The following IL18R1 variants were observed in gnomAD, a reference collection of about 807,000 sequenced individuals.
The protein encoded by IL18R1 is interleukin 18 receptor 1, also known as interleukin-18 receptor 1.
A neutral mutation model predicts 48.5 loss-of-function variants in IL18R1; 40 were observed. The ratio of observed to expected loss-of-function variants is 0.82; its 90% confidence interval spans 0.64 to 1.07. IL18R1 has a LOEUF of 1.07. IL18R1 is among the 50% of genes least tolerant of loss of function. The pLI is 0.00. For missense variants in IL18R1, 596 were observed against 633.7 expected (o/e 0.94, Z 0.64); for synonymous variants, 232 against 225.9 (o/e 1.03, Z -0.24).
At position 102,394,545 on chromosome 2, in the gene IL18R1, T is replaced by C; in HGVS notation, c.1188T>C (p.Ala396=). ...RPENGEEHTF[A]VEILPRVLEK... is the part of the protein sequence containing the mutation. ...AAAATGGAGAGGAGCACACCTTTGCTGTGGAGATTTTGCCCAGGGTGTTGG... is the reference window on the plus strand; with the variant it reads ...AAAATGGAGAGGAGCACACCTTTGCCGTGGAGATTTTGCCCAGGGTGTTGG... Residue 396 remains alanine, a synonymous_variant, in exon 10 of 11, where the codon GCT becomes GCC. Coordinates refer to ENST00000233957, the MANE Select transcript of IL18R1 (RefSeq NM_003855.5). 6.2e-7 allele frequency: 1 copy of C among 1,613,594 alleles called. No homozygotes were observed.
At chr2:102,378,894 G>C (rs1679753265) in intron 5 of IL18R1, among the ~76,000 whole-genome samples, 1 of 152,230 alleles carries the variant, frequency 6.6e-6, no homozygotes, top group African/African-American at 2.4e-5. Context: ...AGTTGGGGAA[G>C]ACAGCCAGGA....
At chr2:102,370,308 C>T (rs1362223617) in intron 3 of IL18R1, among the ~76,000 whole-genome samples, 1 of 152,108 alleles carries the variant, frequency 6.6e-6, no homozygotes, top group Non-Finnish European at 1.5e-5. Flanking sequence ...ACAATGTAGT[C>T]TGAAAAAATG....
intron 4 of IL18R1, among the ~76,000 whole-genome samples, chr2:102,375,611 A>G (rs545465109): frequency 1.3e-5 from 2 of 152,232 alleles, no homozygotes; most frequent in African/African-American, 4.8e-5. Context: ...CTCTCTCTGC[A>G]TGTGTGTAAA....
intron 5 of IL18R1, among the ~76,000 whole-genome samples, chr2:102,377,033 G>T (rs2105079560): frequency 6.6e-6 from 1 of 152,342 alleles, no homozygotes. Context: ...AAGACAGGTT[G>T]CTTATCCAGT....
intron 6 of IL18R1, among the ~76,000 whole-genome samples, chr2:102,382,090 C>T (rs556648454): frequency 3.0e-4 from 45 of 152,002 alleles, no homozygotes; most frequent in Middle Eastern, 3.4e-3. Flanking sequence ...CTGACCAGCA[C>T]GGTGAAACCC....
intron 10 of IL18R1, among the ~76,000 whole-genome samples, chr2:102,395,613 A>G (rs569598818): frequency 4.6e-5 from 7 of 152,358 alleles, no homozygotes; most frequent in African/African-American, 1.4e-4. Flanking sequence ...CTTTGCATCT[A>G]AGAAGGCATA....
intron 6 of IL18R1, 132 bp from the exon 7 acceptor site, chr2:102,384,746 G>T (rs1452347700): frequency 6.9e-6 from 6 of 873,000 alleles, no homozygotes; most frequent in East Asian, 5.5e-5. Flanking sequence ...TTAAAGCAAG[G>T]CATATTTATT....
chr2:102,376,382 A>G (rs1679586588), intron 5 of IL18R1, among the ~76,000 whole-genome samples: 1 of 152,248 alleles, frequency 6.6e-6, no homozygotes. Context: ...TTTAGTGAAG[A>G]TATCTATACT....
intron 1 of IL18R1, among the ~76,000 whole-genome samples, chr2:102,357,094 A>G (rs1678293037): frequency 6.6e-6 from 1 of 152,104 alleles, no homozygotes; most frequent in Admixed American, 6.5e-5. Context: ...AGGGCCTTGG[A>G]TGGGCTAGGA....
intron 8 of IL18R1, among the ~76,000 whole-genome samples, chr2:102,388,218 C>G (rs373573537): frequency 1.3e-5 from 2 of 152,204 alleles, no homozygotes; most frequent in Non-Finnish European, 2.9e-5. Context: ...TTTAGAGCCG[C>G]CTCTCTACCA....
intron 1 of IL18R1, among the ~76,000 whole-genome samples, chr2:102,357,105 G>A (rs754495169): frequency 1.3e-5 from 2 of 152,202 alleles, no homozygotes; most frequent in Non-Finnish European, 2.9e-5. Flanking sequence ...TGGGCTAGGA[G>A]GGGTAAATTT....
intron 8 of IL18R1, 144 bp from the exon 9 acceptor site, chr2:102,389,912 G>A: frequency 1.6e-6 from 1 of 640,736 alleles, no homozygotes; most frequent in Non-Finnish European, 2.7e-6. Flanking sequence ...CAGGAATGTG[G>A]AGTCACTCAG....
At chr2:102,382,568 T>A (rs1232439430) in intron 6 of IL18R1, among the ~76,000 whole-genome samples, 1 of 152,188 alleles carries the variant, frequency 6.6e-6, no homozygotes, top group East Asian at 1.9e-4. Context: ...TTGAATTAAA[T>A]CCTCCAAGCA....
intron 6 of IL18R1, among the ~76,000 whole-genome samples, chr2:102,384,630 T>G (rs770138343): frequency 7.2e-5 from 11 of 152,236 alleles, no homozygotes; most frequent in Non-Finnish European, 1.3e-4. Flanking sequence ...CACTCTAAGT[T>G]TTAATAGTTG....
At position 102,356,985 on chromosome 2, in the gene IL18R1, C is replaced by A. The variant is rs566302224; in HGVS notation, c.-29+585C>A. Among the ~76,000 whole-genome samples, 49 of 152,292 alleles carry A rather than the reference C, an allele frequency of 3.2e-4. 1 individual carries two copies. In the South Asian group the frequency reaches 9.7e-3, roughly 30 times the overall value. The stretch of plus-strand genomic sequence containing the variant: ...TACAGAGATCCAAGATTATTGTATT[C>A]ATTTCACTGACTTCCCTTGCTTCAT... On this transcript the variant is annotated intron_variant, in intron 1 of 10. Coordinates refer to ENST00000233957, the MANE Select transcript of IL18R1 (RefSeq NM_003855.5).
At chr2:102,365,250 A>G (rs1339308580) in intron 2 of IL18R1, among the ~76,000 whole-genome samples, 2 of 152,234 alleles carry the variant, frequency 1.3e-5, no homozygotes, top group East Asian at 3.8e-4. Context: ...CAATGGGAGT[A>G]CAGGCATTGA....
At position 102,365,406 on chromosome 2, in the gene IL18R1, C is replaced by T. The variant is rs376998566; in HGVS notation, c.59-2419C>T. ...AACTCCATGTCTCATATCCAGGTCA[C>T]GCTGCTGCAAGAGGTAGGATCCCAT... On this transcript the variant is annotated intron_variant, in intron 2 of 10. Coordinates refer to ENST00000233957, the MANE Select transcript of IL18R1 (RefSeq NM_003855.5). Among the ~76,000 whole-genome samples the T allele has an allele frequency of 1.1e-3, 174 of 152,322 alleles. 2 individuals are homozygous for T. In the South Asian group the frequency reaches 0.033, roughly 29 times the overall value.
chr2:102,386,801 A>T, intron 7 of IL18R1, 60 bp from the exon 8 acceptor site: 1 of 1,546,170 alleles, frequency 6.5e-7, no homozygotes, highest in Non-Finnish European at 8.9e-7. Context: ...TAAACATGTG[A>T]ATTCCCCTCT....
intron 1 of IL18R1, among the ~76,000 whole-genome samples, chr2:102,357,978 T>G (rs923655288): frequency 1.3e-5 from 2 of 151,096 alleles, no homozygotes; most frequent in African/African-American, 4.8e-5. Flanking sequence ...CGACTATGCA[T>G]GGAACACTGT....
Sources: gnomAD v4.1 joint callset for allele counts (sites outside exome capture counted in the v4.1 genomes callset) on GRCh38, gnomAD v4.1.1 for gene constraint, MANE v1.5 for transcripts, NCBI Gene and HGNC (gene_info 2026-07-23, HGNC 2026-07-21) for gene names.